Variants in NRG1 observed in about 807,000 individuals in gnomAD.
NRG1 encodes the protein pro-neuregulin-1, membrane-bound isoform.
A neutral mutation model predicts 63.8 loss-of-function variants in NRG1; 18 were observed. That is an observed-to-expected ratio of 0.28 (90% confidence interval 0.19 to 0.42). The LOEUF (loss-of-function observed/expected upper bound fraction) is 0.42, where lower values mean the gene tolerates loss of function less well. NRG1 is among the 10% of genes least tolerant of loss of function. NRG1 has a pLI of 1.00. For synonymous variants in NRG1, 302 were observed against 301.3 expected, an observed-to-expected ratio of 1.00 and a Z score of -0.02; for missense variants, 762 against 814.7, an observed-to-expected ratio of 0.94 and a Z score of 0.79.
At chr8:32,090,406 C>T (rs953861482) in intron 1 of NRG1, among the ~76,000 whole-genome samples, 3 of 152,126 alleles carry the variant, frequency 2.0e-5, no homozygotes, top group African/African-American at 4.8e-5. Context: ...CTGCAGCCTC[C>T]GCCTCACAGG....
intron 1 of NRG1, among the ~76,000 whole-genome samples, chr8:32,387,788 G>A (rs1313315714): frequency 6.6e-6 from 1 of 152,092 alleles, no homozygotes; most frequent in African/African-American, 2.4e-5. Context: ...AAATCCCGGT[G>A]GCTTTCTGAG....
chr8:32,270,654 CAATTTCA>C (rs778195809), intron 1 of NRG1, among the ~76,000 whole-genome samples: 6 of 152,124 alleles, frequency 3.9e-5, no homozygotes, highest in Non-Finnish European at 8.8e-5. Context: ...TTGGGATTAC[CAATTTCA>C]ACATGAAGGT....
At chr8:32,342,248 T>C (rs1804172831) in intron 1 of NRG1, among the ~76,000 whole-genome samples, 1 of 152,214 alleles carries the variant, frequency 6.6e-6, no homozygotes, top group South Asian at 2.1e-4. Flanking sequence ...AAAATAGCTG[T>C]AGAAAAGTTT....
At chr8:31,679,245 C>G (rs1229257079) in intron 1 of NRG1, among the ~76,000 whole-genome samples, 1 of 152,058 alleles carries the variant, frequency 6.6e-6, no homozygotes, top group Non-Finnish European at 1.5e-5. Flanking sequence ...TTGTAAACAT[C>G]TAGACACCCT....
chr8:32,677,584 G>T (rs888029746), intron 5 of NRG1, among the ~76,000 whole-genome samples: 1 of 151,960 alleles, frequency 6.6e-6, no homozygotes, highest in Non-Finnish European at 1.5e-5. Flanking sequence ...CTTGAACCTG[G>T]GAGACGAGGT....
At chr8:32,041,474 A>G (rs10954821) in intron 1 of NRG1, among the ~76,000 whole-genome samples, 83,862 of 152,098 alleles carry the variant, frequency 0.55, 26,924 homozygotes, top group Non-Finnish European at 0.71. Flanking sequence ...AGACCTGAAA[A>G]TAAAACAAAA....
chr8:31,842,697 C>T (rs1284193655), intron 1 of NRG1, among the ~76,000 whole-genome samples: 1 of 152,074 alleles, frequency 6.6e-6, no homozygotes, highest in Non-Finnish European at 1.5e-5. Flanking sequence ...TCATTTTATC[C>T]ATAGCATCTA....
chr8:32,056,446 A>G (rs1031701363), intron 1 of NRG1, among the ~76,000 whole-genome samples: 2 of 152,162 alleles, frequency 1.3e-5, no homozygotes, highest in Admixed American at 1.3e-4. Context: ...ACCTCTCTCC[A>G]AAAATGTGTA....
intron 1 of NRG1, among the ~76,000 whole-genome samples, chr8:31,893,623 T>A (rs757598498): frequency 6.6e-6 from 1 of 151,848 alleles, no homozygotes; most frequent in Non-Finnish European, 1.5e-5. Context: ...TGTAGATAAT[T>A]CATCAAATGG....
chr8:32,515,444 T>A (rs1374985929), intron 1 of NRG1, among the ~76,000 whole-genome samples: 1 of 146,676 alleles, frequency 6.8e-6, no homozygotes, highest in Non-Finnish European at 1.5e-5. Flanking sequence ...TTTGCCCAGT[T>A]TTTTTGTTTT....
At chr8:32,423,006 C>A (rs779122696) in intron 1 of NRG1, among the ~76,000 whole-genome samples, 4 of 152,158 alleles carry the variant, frequency 2.6e-5, no homozygotes, top group Non-Finnish European at 4.4e-5. Context: ...TTGGAGATGC[C>A]CCCAGTGACC....
At chr8:32,361,189 C>T (rs1807159532) in intron 1 of NRG1, among the ~76,000 whole-genome samples, 1 of 152,136 alleles carries the variant, frequency 6.6e-6, no homozygotes. Flanking sequence ...GCCAATGATG[C>T]ACAGCTACCC....
intron 1 of NRG1, among the ~76,000 whole-genome samples, chr8:31,867,287 CAG>C (rs1398105645): frequency 2.6e-5 from 4 of 152,164 alleles, no homozygotes; most frequent in African/African-American, 2.4e-5. Flanking sequence ...GGAAAGGTGA[CAG>C]AAATGTGTGA....
chr8:32,370,077 A>G (rs1039565661), intron 1 of NRG1, among the ~76,000 whole-genome samples: 7 of 152,336 alleles, frequency 4.6e-5, no homozygotes, highest in Middle Eastern at 3.4e-3. Context: ...AAGGACTGAC[A>G]TGAACTGGCA....
chr8:32,012,289 C>T (rs1297395450), intron 1 of NRG1, among the ~76,000 whole-genome samples: 3 of 152,040 alleles, frequency 2.0e-5, no homozygotes, highest in Non-Finnish European at 4.4e-5. Flanking sequence ...AATGCTTGGA[C>T]AACAGGACAT....
chr8:31,969,764 T>C (rs1246047993), intron 1 of NRG1, among the ~76,000 whole-genome samples: 1 of 152,176 alleles, frequency 6.6e-6, no homozygotes, highest in Non-Finnish European at 1.5e-5. Context: ...AAAAACTCAA[T>C]AAGGAAAATT....
At chr8:32,463,871 ATTCTTTTTTTTTTTTTTTTTTTTT>A (rs1563498842) in intron 1 of NRG1, among the ~76,000 whole-genome samples, 1 of 80,506 alleles carries the variant, frequency 1.2e-5, no homozygotes, top group African/African-American at 4.3e-5. Flanking sequence ...AAAACTTAGA[ATTCTTTTTTTTTTTTTTTTTTTTT>A]TTTTTTTTTT....
At chr8:32,123,748 G>C (rs1311932880) in intron 1 of NRG1, among the ~76,000 whole-genome samples, 3 of 150,980 alleles carry the variant, frequency 2.0e-5, no homozygotes, top group Admixed American at 1.3e-4. Flanking sequence ...TAGGAAATGT[G>C]CCCTCCGTCA....
intron 1 of NRG1, among the ~76,000 whole-genome samples, chr8:31,825,682 G>A (rs1481667126): frequency 1.3e-5 from 2 of 152,070 alleles, no homozygotes; most frequent in Admixed American, 1.3e-4. Context: ...GGAGAGGAGA[G>A]AGAAAGAACA....
Sources: allele counts gnomAD v4.1 joint callset (sites outside exome capture counted in the v4.1 genomes callset), GRCh38; gene constraint gnomAD v4.1.1; transcripts MANE v1.5; gene names NCBI Gene and HGNC (gene_info 2026-07-23, HGNC 2026-07-21).